The following FSTL5 variants were observed in gnomAD, a reference collection of about 807,000 sequenced individuals.
FSTL5 encodes follistatin like 5.
In FSTL5, 62 loss-of-function variants were observed where a neutral mutation model predicts 89.1. That is an observed-to-expected ratio of 0.70 (90% CI 0.57 to 0.86). The LOEUF is 0.86. Ranked by LOEUF, FSTL5 falls within the 40% of genes least tolerant of loss-of-function variation. The pLI is 0.00. For missense variants in FSTL5, 1,057 were observed against 1,001.6 expected (o/e 1.06, Z -0.75); for synonymous variants, 383 against 346.2 (o/e 1.11, Z -1.18).
intron 7 of FSTL5, among the ~76,000 whole-genome samples, chr4:161,606,240 A>ATGTTTT (rs1734434165): frequency 8.5e-6 from 1 of 117,868 alleles, no homozygotes; most frequent in South Asian, 2.7e-4. Flanking sequence ...ATTATCTGTG[A>ATGTTTT]TTTTTTTTTT....
intron 2 of FSTL5, among the ~76,000 whole-genome samples, chr4:162,096,724 AG>A (rs1211101177): frequency 2.6e-5 from 4 of 152,066 alleles, no homozygotes; most frequent in Non-Finnish European, 5.9e-5. Flanking sequence ...ATATTGCTTA[AG>A]TATGAACAAG....
At chr4:161,938,330 AT>A (rs1270286327) in intron 3 of FSTL5, among the ~76,000 whole-genome samples, 23 of 152,206 alleles carry the variant, frequency 1.5e-4, no homozygotes, top group African/African-American at 5.3e-4. Context: ...TCATACACTA[AT>A]TTATTTATTT....
At chr4:161,638,876 A>G (rs1239167831) in intron 7 of FSTL5, among the ~76,000 whole-genome samples, 7 of 138,062 alleles carry the variant, frequency 5.1e-5, no homozygotes, top group Non-Finnish European at 1.1e-4. Context: ...TCCAGCATAT[A>G]AACAGAGCCA....
At position 161,731,332 on chromosome 4, in the gene FSTL5, T is replaced by C. The variant is rs748373210; in HGVS notation, c.727+28079A>G. On this transcript the variant is annotated intron_variant, in intron 6 of 15. Coordinates refer to ENST00000306100, the MANE Select transcript of FSTL5 (RefSeq NM_020116.5). ...GCTTGGCTCTGTATCTCCACCCAAA[T>C]CTCATCTTGAATTGTAATCCCCATG... Among the ~76,000 whole-genome samples the C allele has an allele frequency of 8.1e-4, 124 of 152,152 alleles. 2 individuals are homozygous for C. The highest frequency in any genetic ancestry group is 6.8e-3 in the Middle Eastern group (2 of 294).
intron 4 of FSTL5, among the ~76,000 whole-genome samples, chr4:161,883,259 T>C (rs1579166303): frequency 6.6e-6 from 1 of 152,186 alleles, no homozygotes; most frequent in Non-Finnish European, 1.5e-5. Flanking sequence ...TCAGGAAGGG[T>C]TTGTTTTGAT....
At chr4:161,457,876 A>G (rs553976892) in intron 14 of FSTL5, among the ~76,000 whole-genome samples, 1 of 152,274 alleles carries the variant, frequency 6.6e-6, no homozygotes, top group East Asian at 1.9e-4. Flanking sequence ...TGCTTTTTCA[A>G]TCAAGAGATT....
intron 8 of FSTL5, among the ~76,000 whole-genome samples, chr4:161,583,320 A>T (rs1187785146): frequency 6.6e-6 from 1 of 152,216 alleles, no homozygotes; most frequent in East Asian, 1.9e-4. Context: ...TTGAAGTCAC[A>T]GGATGAGACT....
intron 15 of FSTL5, among the ~76,000 whole-genome samples, chr4:161,437,942 C>T (rs1269370050): frequency 6.6e-6 from 1 of 152,104 alleles, no homozygotes; most frequent in African/African-American, 2.4e-5. Context: ...ACAATTGAGA[C>T]GGAAGACTTA....
chr4:161,995,640 C>A (rs1736269297), intron 3 of FSTL5, among the ~76,000 whole-genome samples: 1 of 152,008 alleles, frequency 6.6e-6, no homozygotes, highest in African/African-American at 2.4e-5. Flanking sequence ...GACACTGTAT[C>A]ACATCGGAAG....
At chr4:161,578,036 C>T (rs529987583) in intron 8 of FSTL5, among the ~76,000 whole-genome samples, 4 of 151,948 alleles carry the variant, frequency 2.6e-5, no homozygotes, top group African/African-American at 9.6e-5. Context: ...AAACTCAATG[C>T]TTCGGCAAAT....
chr4:162,039,746 A>C (rs927252597), intron 2 of FSTL5, among the ~76,000 whole-genome samples: 10 of 152,136 alleles, frequency 6.6e-5, no homozygotes, highest in African/African-American at 2.4e-4. Context: ...ATATCGAATA[A>C]AGCCCAAAAT....
chr4:161,675,704 G>T (rs1468843548), intron 6 of FSTL5, among the ~76,000 whole-genome samples: 1 of 151,752 alleles, frequency 6.6e-6, no homozygotes, highest in Non-Finnish European at 1.5e-5. Flanking sequence ...AAATTACTAA[G>T]AAGTACTTCT....
chr4:161,865,764 G>C (rs1472712093), intron 4 of FSTL5, among the ~76,000 whole-genome samples: 1 of 151,394 alleles, frequency 6.6e-6, no homozygotes, highest in Non-Finnish European at 1.5e-5. Context: ...ATATTATATT[G>C]AAATTTACTA....
intron 8 of FSTL5, among the ~76,000 whole-genome samples, chr4:161,583,577 A>G (rs1733505980): frequency 7.2e-6 from 1 of 138,860 alleles, no homozygotes; most frequent in Non-Finnish European, 1.5e-5. Context: ...TAAATGCAGT[A>G]GAACAAATTT....
intron 15 of FSTL5, among the ~76,000 whole-genome samples, chr4:161,418,604 A>G (rs933042128): frequency 2.6e-5 from 4 of 152,212 alleles, no homozygotes; most frequent in African/African-American, 4.8e-5. Flanking sequence ...TATAGCTCAC[A>G]TTTAATACAA....
At chr4:161,983,350 C>T (rs1735877743) in intron 3 of FSTL5, among the ~76,000 whole-genome samples, 1 of 152,086 alleles carries the variant, frequency 6.6e-6, no homozygotes. Flanking sequence ...GCAAAATTTG[C>T]ATGTAATATT....
intron 4 of FSTL5, among the ~76,000 whole-genome samples, chr4:161,798,742 T>TA (rs914086418): frequency 4.4e-4 from 65 of 149,282 alleles, no homozygotes; most frequent in Non-Finnish European, 6.3e-4. Context: ...TTTGGAAATC[T>TA]AAAAAAAAAA....
chr4:161,528,616 GT>G (rs1731310608), intron 10 of FSTL5, among the ~76,000 whole-genome samples: 1 of 143,122 alleles, frequency 7.0e-6, no homozygotes, highest in African/African-American at 2.5e-5. Context: ...TTACCCCAGA[GT>G]TTGGGCATTT....
chr4:161,732,953 A>T, intron 6 of FSTL5, among the ~76,000 whole-genome samples: 1 of 151,566 alleles, frequency 6.6e-6, no homozygotes, highest in East Asian at 1.9e-4. Flanking sequence ...TTTTTAAAAT[A>T]ACTTTGGTTA....
Sources: gnomAD v4.1 joint callset for allele counts (sites outside exome capture counted in the v4.1 genomes callset) on GRCh38, gnomAD v4.1.1 for gene constraint, MANE v1.5 for transcripts, NCBI Gene and HGNC (gene_info 2026-07-23, HGNC 2026-07-21) for gene names.